The following WDR27 variants were observed in gnomAD, a reference collection of about 807,000 sequenced individuals.
WDR27 encodes the protein WD repeat domain 27.
In WDR27, 100 loss-of-function variants were observed where a neutral mutation model predicts 114.4. The observed-to-expected ratio is 0.87, with a 90% CI of 0.74 to 1.03. WDR27 has a LOEUF of 1.03. Among genes scored for constraint, WDR27 ranks in the 50% least tolerant of loss-of-function variants. The pLI, the probability that WDR27 is intolerant of heterozygous loss-of-function variation, is 0.00. For missense variants in WDR27, 1,129 were observed against 1,092.9 expected (o/e 1.03, Z -0.47); for synonymous variants, 449 against 423.1 (o/e 1.06, Z -0.75).
chr6:169,583,498 T>C (rs1160994373), intron 23 of WDR27, among the ~76,000 whole-genome samples: 21 of 31,742 alleles, frequency 6.6e-4, no homozygotes, highest in African/African-American at 1.4e-3. Context: ...CATATATATA[T>C]ATATATGTAT....
intron 24 of WDR27, among the ~76,000 whole-genome samples, chr6:169,575,289 CCTCCCTCT>C (rs1176053367): frequency 7.4e-6 from 1 of 134,406 alleles, no homozygotes; most frequent in Admixed American, 7.9e-5. Context: ...TCCCTCCCTC[CCTCCCTCT>C]CTCCATCCAT....
intron 24 of WDR27, among the ~76,000 whole-genome samples, chr6:169,580,205 C>G (rs746982086): frequency 9.9e-5 from 15 of 152,222 alleles, no homozygotes; most frequent in Non-Finnish European, 8.8e-5. Context: ...TACTATCTTT[C>G]CTTCAAAACA....
the WDR27 span, among the ~76,000 whole-genome samples, chr6:169,444,663 T>C: frequency 6.7e-6 from 1 of 148,654 alleles, no homozygotes; most frequent in Non-Finnish European, 1.5e-5. Flanking sequence ...GGTGGACTGT[T>C]TTTTTGTTTT....
Position 169,585,861 on chromosome 6 carries a change from C to T in WDR27, c.2425-2927G>A, listed in dbSNP as rs368375256. On this transcript the variant is annotated intron_variant, in intron 23 of 25. Transcript: ENST00000448612. The stretch of plus-strand genomic sequence containing the variant: ...GAAGGGGAGGCAGCAGAGGCAGGCT[C>T]ACTCGGTGTAACTTTACAGAAATAC... 2.0e-4 allele frequency among the ~76,000 whole-genome samples: 30 copies of T among 152,170 alleles called. No homozygotes were observed. The East Asian group carries it at 2.7e-3, about 14-fold the overall frequency.
chr6:169,522,322 T>C (rs763563299), intron 25 of WDR27, among the ~76,000 whole-genome samples: 1 of 152,070 alleles, frequency 6.6e-6, no homozygotes, highest in East Asian at 1.9e-4. Context: ...CTCCCAAGTA[T>C]ATAAACATTA....
chr6:169,687,527 T>C (rs1470207079), intron 2 of WDR27, among the ~76,000 whole-genome samples: 1 of 152,208 alleles, frequency 6.6e-6, no homozygotes, highest in African/African-American at 2.4e-5. Context: ...TAGGTACCAC[T>C]ATGCCCTTTT....
chr6:169,570,234 A>G (rs1408990451), intron 25 of WDR27, among the ~76,000 whole-genome samples: 1 of 152,236 alleles, frequency 6.6e-6, no homozygotes, highest in Non-Finnish European at 1.5e-5. Context: ...AGTCAACGAG[A>G]AAGACCTGGG....
chr6:169,502,056 G>C (rs1003383037), intron 25 of WDR27, among the ~76,000 whole-genome samples: 1 of 152,184 alleles, frequency 6.6e-6, no homozygotes, highest in African/African-American at 2.4e-5. Flanking sequence ...GAACGGAGCC[G>C]CACGCACCAC....
At chr6:169,593,946 A>T (rs1806276958) in intron 23 of WDR27, among the ~76,000 whole-genome samples, 1 of 152,172 alleles carries the variant, frequency 6.6e-6, no homozygotes, top group Non-Finnish European at 1.5e-5. Flanking sequence ...TTTCTAACTT[A>T]TCACCTGCTT....
rs768678304 is a variant in WDR27 at position 169,667,984 on chromosome 6, T to C, written c.658A>G (p.Lys220Glu). 6.2e-7 allele frequency: 1 copy of C among 1,612,622 alleles called. No homozygotes were observed. The highest frequency in any genetic ancestry group is 1.7e-5 in the Admixed American group (1 of 59,776). The change falls in exon 5 of 26, where the codon AAG (lysine) becomes GAG (glutamate). Residue 220 changes from lysine to glutamate, a missense_variant and splice_region_variant. Transcript: ENST00000448612. Reference protein sequence around the residue: ...LISASEDRGFKVWDHCTGSLI... With the variant: ...LISASEDRGFEVWDHCTGSLI... ...GCCATCCAGCGTCCATCCCTCACCTTAAAGCCTCTGTCCTCAGACGCCGAG... is the reference window on the plus strand; with the variant it reads ...GCCATCCAGCGTCCATCCCTCACCTCAAAGCCTCTGTCCTCAGACGCCGAG...
In WDR27 at chr6:169,687,352, A is replaced by AT. The variant is rs372020480; in HGVS notation, c.189+1464dup. Reference sequence around the variant, plus strand: ...TGCAAACTAAAGGGACAGAAAGCCTATATTTATAATATAAAGAACTCCTTC... The same window carrying AT: ...TGCAAACTAAAGGGACAGAAAGCCTATTATTTATAATATAAAGAACTCCTTC... On this transcript the variant is annotated intron_variant, in intron 2 of 25. Coordinates refer to ENST00000448612, the MANE Select transcript of WDR27 (RefSeq NM_182552.5). 3.3e-5 allele frequency among the ~76,000 whole-genome samples: 5 copies of AT among 152,220 alleles called. No homozygotes were observed. In the East Asian group the frequency reaches 9.6e-4, roughly 29 times the overall value.
rs1012621463 is a variant in WDR27 at position 169,459,414 on chromosome 6, A to G, written c.2646-1780T>C. 3.9e-4 allele frequency among the ~76,000 whole-genome samples: 59 copies of G among 152,256 alleles called. 1 individual carries two copies. Among genetic ancestry groups the G allele is most frequent in the African/African-American group, 1.4e-3 (59 of 41,566 alleles). ...CACAGAAAGAAAAAAAGCACTGAAA[A>G]AAGTGAACAGAGCCTAAAGGGAATG... On this transcript the variant is annotated intron_variant, in intron 25 of 25. Transcript: ENST00000448612.
intron 25 of WDR27, among the ~76,000 whole-genome samples, chr6:169,512,782 T>A (rs1490670352): frequency 6.6e-6 from 1 of 152,202 alleles, no homozygotes; most frequent in Non-Finnish European, 1.5e-5. Context: ...AAGTCATGTT[T>A]GACGTTTCAA....
chr6:169,489,560 T>C (rs1268379058), intron 25 of WDR27, among the ~76,000 whole-genome samples: 1 of 152,034 alleles, frequency 6.6e-6, no homozygotes, highest in East Asian at 1.9e-4. Context: ...TGACATAGCA[T>C]TGCACGTCTC....
intron 25 of WDR27, among the ~76,000 whole-genome samples, chr6:169,479,216 A>C (rs1787605548): frequency 6.6e-6 from 1 of 152,196 alleles, no homozygotes; most frequent in South Asian, 2.1e-4. Context: ...TCATTGAAAA[A>C]TGGGCAAAGG....
chr6:169,441,245 C>T, the WDR27 span, among the ~76,000 whole-genome samples: 21 of 152,284 alleles, frequency 1.4e-4, no homozygotes, highest in Admixed American at 1.3e-3. Context: ...GACTACCTTA[C>T]TTCCCCCGAT....
chr6:169,600,780 A>T (rs529115158), intron 23 of WDR27, among the ~76,000 whole-genome samples: 53 of 152,334 alleles, frequency 3.5e-4, no homozygotes, highest in African/African-American at 1.2e-3. Flanking sequence ...AATAAAAAGA[A>T]ACAAACAAAG....
intron 25 of WDR27, among the ~76,000 whole-genome samples, chr6:169,472,675 A>G (rs1583627232): frequency 1.3e-5 from 2 of 152,270 alleles, no homozygotes; most frequent in Non-Finnish European, 1.5e-5. Context: ...TATATAACTT[A>G]CTCTTATTCC....
Position 169,643,697 on chromosome 6 carries a change from C to T in WDR27, c.1747G>A (p.Gly583Ser), listed in dbSNP as rs1464232178. Residue 583 changes from glycine (G) to serine (S), a missense_variant and splice_region_variant, in exon 17 of 26, where the codon GGT (glycine) becomes AGT (serine). Coordinates refer to ENST00000448612, the MANE Select transcript of WDR27 (RefSeq NM_182552.5). ...TGACTGAAATTAAGACATGTTTTAC[C>T]TGAAAACACAGCAGGTGTCCCAGTC... The part of the protein sequence containing the change: ...SLTGTPAVFS[G>S]HDGAVNAVCW... The T allele has an allele frequency of 1.2e-6, 2 of 1,612,818 alleles. No homozygotes were observed. Among genetic ancestry groups the T allele is most frequent in the East Asian group, 2.2e-5 (1 of 44,890 alleles).
Sources: allele counts gnomAD v4.1 joint callset (sites outside exome capture counted in the v4.1 genomes callset), GRCh38; gene constraint gnomAD v4.1.1; transcripts MANE v1.5; gene names NCBI Gene and HGNC (gene_info 2026-07-23, HGNC 2026-07-21).